DNAJC18: variants seen among roughly 807,000 people sequenced by gnomAD.
DNAJC18 encodes DnaJ heat shock protein family (Hsp40) member C18.
A neutral mutation model predicts 48.6 loss-of-function variants in DNAJC18; 40 were observed. The ratio of observed to expected loss-of-function variants is 0.82; its 90% CI spans 0.64 to 1.07. The LOEUF is 1.07. DNAJC18 is among the 50% of genes least tolerant of loss of function. The pLI, the probability that DNAJC18 is intolerant of heterozygous loss-of-function variation, is 0.00. For synonymous variants in DNAJC18, 135 were observed against 152.2 expected (o/e 0.89, Z 0.83); for missense variants, 340 against 427.7 (o/e 0.79, Z 1.81).
chr5:139,414,130 C>G lies in DNAJC18; in HGVS notation c.*18G>C. 3 of 1,609,676 alleles carry G rather than the reference C, an allele frequency of 1.9e-6. No homozygotes were observed. Among genetic ancestry groups the G allele is most frequent in the Non-Finnish European group, 2.5e-6 (3 of 1,178,778 alleles). The stretch of plus-strand genomic sequence containing the variant: ...AACAAGTAGCAAAACCCCAGCCCTG[C>G]GTAGGACCATTATCCTCTCAGCCAC... On this transcript the variant is annotated 3_prime_UTR_variant, in exon 8 of 8. Transcript: ENST00000302060.
At chr5:139,435,631 C>T (rs1373971418) in intron 2 of DNAJC18, among the ~76,000 whole-genome samples, 1 of 143,090 alleles carries the variant, frequency 7.0e-6, no homozygotes, top group Non-Finnish European at 1.5e-5. Flanking sequence ...ATATTTTTGT[C>T]TGGTTTTGGT....
chr5:139,425,089 C>T lies in DNAJC18; in HGVS notation c.585G>A (p.Val195=), dbSNP rs893685511. Residue 195 remains valine, a synonymous_variant, in exon 5 of 8, where the codon GTG becomes GTA. Coordinates refer to ENST00000302060, the MANE Select transcript of DNAJC18 (RefSeq NM_152686.4). ...GACGGTAATAGTAAGTGTCATCTGT[C>T]ACATTTGAAAACATATGAATATTTC... ...PTGNIHMFSN[V]TDDTYYYRRR... 2.5e-6 allele frequency: 4 copies of T among 1,612,586 alleles called. No individual in the cohort carries two copies. The highest frequency in any genetic ancestry group is 3.4e-6 in the Non-Finnish European group (4 of 1,178,894).
At chr5:139,433,736 T>C (rs1462906212) in intron 2 of DNAJC18, among the ~76,000 whole-genome samples, 1 of 152,198 alleles carries the variant, frequency 6.6e-6, no homozygotes, top group Non-Finnish European at 1.5e-5. Flanking sequence ...TTTGTGAGCA[T>C]ATGTTTTGAT....
At chr5:139,419,955 G>C (rs1022002277) in intron 7 of DNAJC18, 98 bp downstream of exon 7, 5 of 1,233,078 alleles carry the variant, frequency 4.1e-6, no homozygotes, top group Non-Finnish European at 5.5e-6. Context: ...ATAAACATGC[G>C]TAGCCTCAAA....
In DNAJC18 at chr5:139,412,889, CATCCTCGGG is replaced by C. The variant is rs1759013851; in HGVS notation, c.*1250_*1258del. On this transcript the variant is annotated 3_prime_UTR_variant, in exon 8 of 8. Coordinates refer to ENST00000302060, the MANE Select transcript of DNAJC18 (RefSeq NM_152686.4). ...GTCATGGGGTTGGGGAGGACGGAGGCATCCTCGGGAAAGGTTCTGCTTTGCCAGTCTGGC... is the reference window on the plus strand; with the variant it reads ...GTCATGGGGTTGGGGAGGACGGAGGCAAAGGTTCTGCTTTGCCAGTCTGGC... 5.0e-6 allele frequency: 2 copies of C among 398,530 alleles called. No individual in the cohort carries two copies. The highest frequency in any genetic ancestry group is 8.8e-6 in the Non-Finnish European group (2 of 226,108). The allele number at this position is 398,530 out of a possible 1,614,324, so 24.7% of individuals were successfully genotyped here.
rs1034939317 is a variant in DNAJC18 at position 139,414,004 on chromosome 5, A to G, written c.*144T>C. 5 of 1,255,332 alleles carry G rather than the reference A, an allele frequency of 4.0e-6. No homozygotes were observed. The highest frequency in any genetic ancestry group is 5.4e-6 in the Non-Finnish European group (5 of 929,488). 77.8% of individuals were successfully genotyped at this position (1,255,332 alleles called of 1,614,324 possible). The stretch of plus-strand genomic sequence containing the variant: ...GAAGACACATCTGGCTCTCGTGCCC[A>G]TGCTCCTGCCACTCTGCCCAACCAA... On this transcript the variant is annotated 3_prime_UTR_variant, in exon 8 of 8. Transcript: ENST00000302060.
rs758847856 is a variant in DNAJC18, at chr5:139,428,694, T to A, written c.228-11A>T. The A allele has an allele frequency of 6.2e-7, 1 of 1,608,262 alleles. No individual in the cohort carries two copies. The highest frequency in any genetic ancestry group is 1.3e-5 in the African/African-American group (1 of 74,480). ...CTGCATTTCTTGATCCTAAAAAAAATCACAAGCATGTATGTCTATAAAGGT... is the reference window on the plus strand; with the variant it reads ...CTGCATTTCTTGATCCTAAAAAAAAACACAAGCATGTATGTCTATAAAGGT... On this transcript the variant is annotated splice_polypyrimidine_tract_variant and intron_variant, in intron 2 of 7. Coordinates refer to ENST00000302060, the MANE Select transcript of DNAJC18 (RefSeq NM_152686.4).
chr5:139,435,318 A>G (rs570216552), intron 2 of DNAJC18, among the ~76,000 whole-genome samples: 1 of 152,002 alleles, frequency 6.6e-6, no homozygotes, highest in East Asian at 1.9e-4. Flanking sequence ...GTGGCATTGC[A>G]CTCCAGCCTG....
chr5:139,433,462 A>G (rs1323370131), intron 2 of DNAJC18, among the ~76,000 whole-genome samples: 1 of 152,052 alleles, frequency 6.6e-6, no homozygotes, highest in Non-Finnish European at 1.5e-5. Context: ...AAAAAAAACA[A>G]AACTGGAGAA....
At chr5:139,424,201 GA>G (rs2152083668) in intron 5 of DNAJC18, among the ~76,000 whole-genome samples, 1 of 152,300 alleles carries the variant, frequency 6.6e-6, no homozygotes, top group East Asian at 1.9e-4. Flanking sequence ...GCTGCTTGGT[GA>G]AAACAAAACA....
At position 139,411,263 on chromosome 5, in the gene DNAJC18, TC is replaced by T. The variant is rs1246176789; in HGVS notation, c.*2884del. The T allele has an allele frequency of 5.9e-5, 9 of 152,222 alleles. No homozygotes were observed. The highest frequency in any genetic ancestry group is 2.2e-4 in the African/African-American group (9 of 41,454). The allele number at this position is 152,222 out of a possible 1,614,324, so 9.4% of individuals were successfully genotyped here. On this transcript the variant is annotated 3_prime_UTR_variant, in exon 8 of 8. Coordinates refer to ENST00000302060, the MANE Select transcript of DNAJC18 (RefSeq NM_152686.4). ...AAGCTCTTTGTGATGAGAAGGATTTTCATCCTCCTTTTCTCACTGCCGATCG... is the reference window on the plus strand; with the variant it reads ...AAGCTCTTTGTGATGAGAAGGATTTTATCCTCCTTTTCTCACTGCCGATCG...
chr5:139,418,763 ACTC>A (rs1390741654), intron 7 of DNAJC18: 2 of 455,918 alleles, frequency 4.4e-6, no homozygotes, highest in Non-Finnish European at 8.8e-6. Context: ...ATTGTTTTCT[ACTC>A]CTGAGAATCC....
In DNAJC18 at chr5:139,439,274, C is replaced by T; in HGVS notation, c.40+132G>A. On this transcript the variant is annotated intron_variant, in intron 1 of 7. Transcript: ENST00000302060. The surrounding 1 kb of genome is among the most constrained non-coding windows in gnomAD (Gnocchi z 4.1). ...TACCCCATCCGCAACCCTACTCAGG[C>T]TCAGCATCTTTTCACAGGCCTCTAT... The T allele has an allele frequency of 6.9e-7, 1 of 1,441,384 alleles. No individual in the cohort carries two copies. The highest frequency in any genetic ancestry group is 2.4e-5 in the East Asian group (1 of 41,026). The allele number at this position is 1,441,384 out of a possible 1,614,324, so 89.3% of individuals were successfully genotyped here.
chr5:139,414,209 G>A lies in DNAJC18; in HGVS notation c.1016C>T (p.Ser339Leu), dbSNP rs1380540812. 1.9e-6 allele frequency: 3 copies of A among 1,614,044 alleles called. No individual in the cohort carries two copies. The highest frequency in any genetic ancestry group is 1.3e-5 in the African/African-American group (1 of 74,926). Residue 339 changes from serine (S) to leucine (L), a missense_variant, in exon 8 of 8, where the codon TCG (serine) becomes TTG (leucine). Ser to Leu is a moderately radical substitution (Grantham distance 145, BLOSUM62 -2). Transcript: ENST00000302060. ...RDERLKQKAESLKLENCEKLS... is the reference protein window; with the variant it reads ...RDERLKQKAELLKLENCEKLS... ...TTTCTCACAGTTTTCAAGTTTCAGC[G>A]ACTCTGCTTTCTGTTTCAATCGTTC...
At chr5:139,429,650 C>T (rs1359761803) in intron 2 of DNAJC18, among the ~76,000 whole-genome samples, 3 of 152,002 alleles carry the variant, frequency 2.0e-5, no homozygotes, top group African/African-American at 2.4e-5. Context: ...TTGGGCTGGG[C>T]GTGGTGGCTC....
chr5:139,412,996 CT>C lies in DNAJC18; in HGVS notation c.*1151del. On this transcript the variant is annotated 3_prime_UTR_variant, in exon 8 of 8. Coordinates refer to ENST00000302060, the MANE Select transcript of DNAJC18 (RefSeq NM_152686.4). ...CTCAGCCTACCGTCTTGCTCTGCCACTACAAGACCTGGGTCATCCTCTCTGG... is the reference window on the plus strand; with the variant it reads ...CTCAGCCTACCGTCTTGCTCTGCCACACAAGACCTGGGTCATCCTCTCTGG... 7.5e-6 allele frequency: 3 copies of C among 398,086 alleles called. No homozygotes were observed. In the South Asian group the frequency reaches 4.1e-4, roughly 54 times the overall value. The allele number at this position is 398,086 out of a possible 1,614,324, so 24.7% of individuals were successfully genotyped here.
rs184418597 is a variant in DNAJC18, at chr5:139,433,334, C to T, written c.227+4038G>A. 2.0e-5 allele frequency among the ~76,000 whole-genome samples: 3 copies of T among 151,824 alleles called. No homozygotes were observed. The East Asian group carries it at 5.8e-4, about 29-fold the overall frequency. On this transcript the variant is annotated intron_variant, in intron 2 of 7. Coordinates refer to ENST00000302060, the MANE Select transcript of DNAJC18 (RefSeq NM_152686.4). ...TGGTGGGCGCCTGTAATCCCAGCTA[C>T]TTGGGAGGCTGAGGCAGGACAATCG...
chr5:139,437,234 C>A, intron 2 of DNAJC18, 138 bp downstream of exon 2: 1 of 1,099,826 alleles, frequency 9.1e-7, no homozygotes. Context: ...TCAGTCTTCC[C>A]TCTGAGGTCA....
rs1466538776 is a variant in DNAJC18, at chr5:139,428,528, A to G, written c.373+10T>C. ...CAAGGGCACCATTGAGCATTGGTTC[A>G]GGATCAGACCTTTGAAAGCATCTGT... On this transcript the variant is annotated intron_variant, in intron 3 of 7. Coordinates refer to ENST00000302060, the MANE Select transcript of DNAJC18 (RefSeq NM_152686.4). 6.2e-7 allele frequency: 1 copy of G among 1,608,348 alleles called. No homozygotes were observed. The highest frequency in any genetic ancestry group is 1.3e-5 in the African/African-American group (1 of 74,424).
Sources: gnomAD v4.1 joint callset for allele counts (sites outside exome capture counted in the v4.1 genomes callset) on GRCh38, gnomAD v4.1.1 for gene constraint, Gnocchi (gnomAD v3.1) non-coding constraint, MANE v1.5 for transcripts, NCBI Gene and HGNC (gene_info 2026-07-23, HGNC 2026-07-21) for gene names.